The following SKP1 variants were observed in gnomAD, a reference collection of about 807,000 sequenced individuals.
SKP1 encodes S-phase kinase associated protein 1.
A neutral mutation model predicts 21.5 loss-of-function variants in SKP1; 1 was observed. The ratio of observed to expected loss-of-function variants is 0.05; its 90% CI spans 0.02 to 0.22. SKP1 has a LOEUF of 0.22. Among genes scored for constraint, SKP1 ranks in the 10% least tolerant of loss-of-function variants. The pLI, the probability that SKP1 is intolerant of heterozygous loss-of-function variation, is 1.00. For synonymous variants in SKP1, 59 were observed against 59.3 expected, an observed-to-expected ratio of 0.99 and a Z score of 0.03; for missense variants, 70 against 192.0, an observed-to-expected ratio of 0.36 and a Z score of 3.76.
rs2149371298 is a variant in SKP1, at chr5:134,151,331, T to G, written c.*6402A>C. 6.6e-6 allele frequency: 1 copy of G among 152,616 alleles called. No individual in the cohort carries two copies. The highest frequency in any genetic ancestry group is 2.1e-4 in the South Asian group (1 of 4,874). The allele number at this position is 152,616 out of a possible 1,614,324, so 9.5% of individuals were successfully genotyped here. Reference sequence around the variant, plus strand: ...AATAAATAAATAAATAAATAAAAATTTTTACAAAGCCACTCTGGAAACCCT... The same window carrying G: ...AATAAATAAATAAATAAATAAAAATGTTTACAAAGCCACTCTGGAAACCCT... On this transcript the variant is annotated 3_prime_UTR_variant, in exon 6 of 6. Coordinates refer to ENST00000353411, the MANE Select transcript of SKP1 (RefSeq NM_170679.3).
rs1761161552 is a variant in SKP1, at chr5:134,158,598, G to A, written c.316-3C>T. On this transcript the variant is annotated splice_region_variant and splice_polypyrimidine_tract_variant and intron_variant, in intron 4 of 5. Transcript: ENST00000353411. ...TTGATGTCTAAGTAGTTTGCAGCCT[G>A]TAAAGAGACAGTTGTTTTCCTTAAA... The A allele has an allele frequency of 1.9e-6, 3 of 1,612,272 alleles. No homozygotes were observed. The highest frequency in any genetic ancestry group is 2.7e-5 in the African/African-American group (2 of 75,024).
At position 134,153,661 on chromosome 5, in the gene SKP1, G is replaced by A. The variant is rs1050550385; in HGVS notation, c.*4072C>T. The A allele has an allele frequency of 2.0e-5, 3 of 152,136 alleles. No homozygotes were observed. Among genetic ancestry groups the A allele is most frequent in the African/African-American group, 7.2e-5 (3 of 41,418 alleles). 9.4% of individuals were successfully genotyped at this position (152,136 alleles called of 1,614,324 possible). On this transcript the variant is annotated 3_prime_UTR_variant, in exon 6 of 6. Transcript: ENST00000353411. Reference sequence around the variant, plus strand: ...CTGCTCTCTCAATTTTCTCTTTTCTGGTGGAAAATCACCTTATATTCCCAA... The same window carrying A: ...CTGCTCTCTCAATTTTCTCTTTTCTAGTGGAAAATCACCTTATATTCCCAA...
At chr5:134,159,795 C>A (rs1007014570) in intron 4 of SKP1, among the ~76,000 whole-genome samples, 1 of 152,160 alleles carries the variant, frequency 6.6e-6, no homozygotes, top group African/African-American at 2.4e-5. Flanking sequence ...GATCCGCCCA[C>A]CTTGGCCTCC....
At chr5:134,164,322 GAAAAAAAAAAAAAAA>G (rs55637997) in intron 3 of SKP1, among the ~76,000 whole-genome samples, 6 of 122,118 alleles carry the variant, frequency 4.9e-5, no homozygotes, top group Admixed American at 8.7e-5. Flanking sequence ...TCCATCTCAA[GAAAAAAAAAAAAAAA>G]AAAAAAAAAA....
chr5:134,158,341 T>C, intron 5 of SKP1, 114 bp downstream of exon 5: 2 of 1,589,684 alleles, frequency 1.3e-6, no homozygotes, highest in Non-Finnish European at 1.7e-6. Flanking sequence ...TAAGTACATA[T>C]TATCCCTAAA....
intron 2 of SKP1, among the ~76,000 whole-genome samples, chr5:134,167,529 T>G (rs1024220296): frequency 3.2e-5 from 4 of 124,890 alleles, no homozygotes; most frequent in East Asian, 2.0e-4. Context: ...TAGAGAGGGG[T>G]TTTTTTTTTT....
intron 2 of SKP1, 92 bp from the exon 3 acceptor site, chr5:134,167,335 C>T (rs1761350781): frequency 1.1e-5 from 9 of 808,484 alleles, no homozygotes; most frequent in Non-Finnish European, 1.9e-5. Flanking sequence ...AGTCAGCCCC[C>T]ATATCCATGA....
rs905033022 is a variant in SKP1 at position 134,156,317 on chromosome 5, C to A, written c.*1416G>T. ...AAAACCATTTTTAGCTCAAAGACTA[C>A]AAAAACAGGCTATGGGCCTGATTTG... On this transcript the variant is annotated 3_prime_UTR_variant, in exon 6 of 6. Coordinates refer to ENST00000353411, the MANE Select transcript of SKP1 (RefSeq NM_170679.3). 6.6e-6 allele frequency: 1 copy of A among 151,954 alleles called. No homozygotes were observed. Among genetic ancestry groups the A allele is most frequent in the Non-Finnish European group, 1.5e-5 (1 of 67,984 alleles). The allele number at this position is 151,954 out of a possible 1,614,324, so 9.4% of individuals were successfully genotyped here.
intron 3 of SKP1, among the ~76,000 whole-genome samples, chr5:134,162,408 T>A (rs1761236994): frequency 6.6e-6 from 1 of 152,084 alleles, no homozygotes; most frequent in South Asian, 2.1e-4. Flanking sequence ...AGGTTTTTGT[T>A]TTCGTTTTAA....
chr5:134,162,276 TTTTG>T (rs1761234396), intron 3 of SKP1, among the ~76,000 whole-genome samples: 1 of 152,132 alleles, frequency 6.6e-6, no homozygotes, highest in Non-Finnish European at 1.5e-5. Context: ...CATTTTTGTA[TTTTG>T]TTTTTGTAGA....
intron 2 of SKP1, among the ~76,000 whole-genome samples, chr5:134,168,380 C>T (rs1311827436): frequency 9.2e-5 from 14 of 152,178 alleles, no homozygotes; most frequent in African/African-American, 1.4e-4. Context: ...CGCACAAACA[C>T]GCACAAAACA....
Position 134,157,336 on chromosome 5 carries a change from T to C in SKP1, c.*397A>G, listed in dbSNP as rs1489154027. The C allele has an allele frequency of 5.3e-6, 1 of 188,800 alleles. No homozygotes were observed. Among genetic ancestry groups the C allele is most frequent in the Non-Finnish European group, 1.1e-5 (1 of 90,250 alleles). 11.7% of individuals were successfully genotyped at this position (188,800 alleles called of 1,614,324 possible). ...GTTTCCAACTCATGAATAAAGATAATATTTTGTTAATTCTATTCCAGAAAA... is the reference window on the plus strand; with the variant it reads ...GTTTCCAACTCATGAATAAAGATAACATTTTGTTAATTCTATTCCAGAAAA... On this transcript the variant is annotated 3_prime_UTR_variant, in exon 6 of 6. Transcript: ENST00000353411.
At chr5:134,169,019 G>A (rs991558453) in intron 2 of SKP1, among the ~76,000 whole-genome samples, 1 of 152,036 alleles carries the variant, frequency 6.6e-6, no homozygotes. Context: ...ATAGCGAAGA[G>A]GTCCAAGGAT....
At position 134,173,961 on chromosome 5, in the gene SKP1, G is replaced by C; in HGVS notation, c.62C>G (p.Ala21Gly). 1 of 1,610,172 alleles carries C rather than the reference G, an allele frequency of 6.2e-7. No homozygotes were observed. ...GGTCTTAATAGTCACAGATTGTTTG[G>C]CAATTTCCACATCAACTTCAAATAT... ...GEIFEVDVEI[A>G]KQSVTIKTML... The change falls in exon 2 of 6, where the codon GCC becomes GGC. Residue 21 changes from alanine (A) to glycine (G), a missense_variant. By Grantham distance (60) the Ala-to-Gly change is moderately conservative. Around this residue, in one of 4 missense-constraint regions of SKP1, gnomAD observed 21 missense variants for 23.4 expected, o/e 0.90. Coordinates refer to ENST00000353411, the MANE Select transcript of SKP1 (RefSeq NM_170679.3).
rs1446016076 is a variant in SKP1, at chr5:134,150,806, AAT to A, written c.*6925_*6926del. 1 of 152,196 alleles carries A rather than the reference AAT, an allele frequency of 6.6e-6. No homozygotes were observed. The highest frequency in any genetic ancestry group is 6.5e-5 in the Admixed American group (1 of 15,278). 9.4% of individuals were successfully genotyped at this position (152,196 alleles called of 1,614,324 possible). A position where few individuals can be genotyped will look rare whatever the true frequency, so the allele number is the denominator to read the frequency against. ...AATTCTGACTCCTGAGCTCTTCTCT[AAT>A]AGTTTGGAGCTACTAACAAACCATT... On this transcript the variant is annotated 3_prime_UTR_variant, in exon 6 of 6. Coordinates refer to ENST00000353411, the MANE Select transcript of SKP1 (RefSeq NM_170679.3).
chr5:134,167,065 A>G, intron 3 of SKP1, 105 bp downstream of exon 3: 1 of 641,080 alleles, frequency 1.6e-6, no homozygotes, highest in South Asian at 2.0e-5. Flanking sequence ...ATGTAATTTT[A>G]AGCAGTAAAT....
chr5:134,162,211 C>T (rs546181841), intron 3 of SKP1, among the ~76,000 whole-genome samples: 1 of 152,214 alleles, frequency 6.6e-6, no homozygotes, highest in African/African-American at 2.4e-5. Flanking sequence ...AGCGATCCTC[C>T]CACCTCAGCC....
At chr5:134,174,793 G>A (rs1761506419) in intron 1 of SKP1, 1 of 144,838 alleles carries the variant, frequency 6.9e-6, no homozygotes, top group South Asian at 2.1e-4. Context: ...AATTTCAAAG[G>A]ACTTGAGTTC....
rs2149372016 is a variant in SKP1 at position 134,154,836 on chromosome 5, T to C, written c.*2897A>G. 6.6e-6 allele frequency: 1 copy of C among 152,302 alleles called. No homozygotes were observed. Among genetic ancestry groups the C allele is most frequent in the East Asian group, 1.9e-4 (1 of 5,192 alleles). The allele number at this position is 152,302 out of a possible 1,614,324, so 9.4% of individuals were successfully genotyped here. A position where few individuals can be genotyped will look rare whatever the true frequency, so the allele number is the denominator to read the frequency against. On this transcript the variant is annotated 3_prime_UTR_variant, in exon 6 of 6. Coordinates refer to ENST00000353411, the MANE Select transcript of SKP1 (RefSeq NM_170679.3). Reference sequence around the variant, plus strand: ...TTTCCTTTACTACTATAACAGTAATTAGAGAAAGTCTTCATAATTCATCAG... The same window carrying C: ...TTTCCTTTACTACTATAACAGTAATCAGAGAAAGTCTTCATAATTCATCAG...
Sources: allele counts gnomAD v4.1 joint callset (sites outside exome capture counted in the v4.1 genomes callset), GRCh38; gene constraint gnomAD v4.1.1; regional missense constraint gnomAD v4.1.1; transcripts MANE v1.5; gene names NCBI Gene and HGNC (gene_info 2026-07-23, HGNC 2026-07-21).